Variants in RAPGEF4 observed in about 807,000 individuals in gnomAD.
The protein encoded by RAPGEF4 is Rap guanine nucleotide exchange factor 4, also known as RAP guanine-nucleotide-exchange factor (GEF) 4.
A neutral mutation model predicts 147.9 loss-of-function variants in RAPGEF4; 66 were observed. That is an observed-to-expected ratio of 0.45 (90% CI 0.37 to 0.55). RAPGEF4 has a LOEUF of 0.55. RAPGEF4 is among the 20% of genes least tolerant of loss of function. The pLI, the probability that RAPGEF4 is intolerant of heterozygous loss-of-function variation, is 0.00. For synonymous variants in RAPGEF4, 419 were observed against 442.7 expected (o/e 0.95, Z 0.67); for missense variants, 1,071 against 1,257.3 (o/e 0.85, Z 2.24).
chr2:173,007,778 C>T (rs1019995189), intron 17 of RAPGEF4, among the ~76,000 whole-genome samples: 11 of 152,054 alleles, frequency 7.2e-5, no homozygotes, highest in African/African-American at 2.4e-5. Flanking sequence ...AAGAAATAGA[C>T]GCAGTGGTCA....
At chr2:172,745,110 A>G (rs1333374322) in intron 1 of RAPGEF4, among the ~76,000 whole-genome samples, 1 of 152,154 alleles carries the variant, frequency 6.6e-6, no homozygotes, top group African/African-American at 2.4e-5. Context: ...AATCAAGTGA[A>G]TTAAGAAACA....
intron 5 of RAPGEF4, 58 bp from the exon 6 acceptor site, chr2:172,922,223 A>G (rs1346648910): frequency 1.3e-6 from 2 of 1,546,866 alleles, no homozygotes; most frequent in African/African-American, 2.7e-5. Context: ...TTTCAATTCC[A>G]CTTTACCGGT....
rs546713220 is a variant in RAPGEF4, at chr2:172,855,511, G to A, written c.444+41086G>A. 9.9e-5 allele frequency among the ~76,000 whole-genome samples: 15 copies of A among 152,184 alleles called. No homozygotes were observed. In the East Asian group the frequency reaches 2.9e-3, roughly 29 times the overall value. ...TGTTTTTCATATTTCCCCACATATT[G>A]ACATTTCCAGTGATCTTCTTTCCTT... On this transcript the variant is annotated intron_variant, in intron 4 of 30. Coordinates refer to ENST00000397081, the MANE Select transcript of RAPGEF4 (RefSeq NM_007023.4).
At position 172,887,820 on chromosome 2, in the gene RAPGEF4, C is replaced by T. The variant is rs142202394; in HGVS notation, c.445-29982C>T. Among the ~76,000 whole-genome samples, 1,142 of 152,226 alleles carry T rather than the reference C, an allele frequency of 7.5e-3. 14 individuals are homozygous for T. Among genetic ancestry groups the T allele is most frequent in the African/African-American group, 0.025 (1,048 of 41,528 alleles). On this transcript the variant is annotated intron_variant, in intron 4 of 30. Transcript: ENST00000397081. ...CTAAAAGCCACTCTCCCCTTTCCTA[C>T]TTAGAAACTTCTGCTACAAGCTAGT...
intron 4 of RAPGEF4, among the ~76,000 whole-genome samples, chr2:172,893,499 C>G (rs1413681817): frequency 6.6e-6 from 1 of 152,212 alleles, no homozygotes; most frequent in Non-Finnish European, 1.5e-5. Flanking sequence ...GATGGCTGCC[C>G]CGAATCATGG....
rs150423141 is a variant in RAPGEF4, at chr2:172,986,038, A to T, written c.1150+545A>T. 6.8e-3 allele frequency among the ~76,000 whole-genome samples: 1,033 copies of T among 152,336 alleles called. 9 individuals are homozygous for T. Among genetic ancestry groups the T allele is most frequent in the Non-Finnish European group, 9.3e-3 (630 of 68,032 alleles). On this transcript the variant is annotated intron_variant, in intron 12 of 30. Transcript: ENST00000397081. Reference sequence around the variant, plus strand: ...ATCCAAGTTGCAGTTTAGTTCTGTGATCATATTTGGAAGCAAGAAAAGGAA... The same window carrying T: ...ATCCAAGTTGCAGTTTAGTTCTGTGTTCATATTTGGAAGCAAGAAAAGGAA...
chr2:172,855,596 A>G (rs1207688296), intron 4 of RAPGEF4, among the ~76,000 whole-genome samples: 6 of 152,134 alleles, frequency 3.9e-5, no homozygotes, highest in Non-Finnish European at 7.4e-5. Context: ...GCTTTCTTCA[A>G]TGTTTCAAGT....
chr2:172,736,099 G>C, intron 1 of RAPGEF4, 51 bp downstream of exon 1: 1 of 1,373,168 alleles, frequency 7.3e-7, no homozygotes, highest in South Asian at 1.5e-5. Context: ...GTGCTGCCCG[G>C]GCCCTGAGAC....
At chr2:172,966,141 T>C (rs539198432) in intron 9 of RAPGEF4, among the ~76,000 whole-genome samples, 1 of 152,320 alleles carries the variant, frequency 6.6e-6, no homozygotes, top group East Asian at 1.9e-4. Flanking sequence ...ACCCACAGGA[T>C]GACCATATTT....
intron 4 of RAPGEF4, among the ~76,000 whole-genome samples, chr2:172,891,205 G>A (rs1371169179): frequency 1.3e-5 from 2 of 152,156 alleles, no homozygotes; most frequent in African/African-American, 2.4e-5. Flanking sequence ...CTGAACATGC[G>A]GTTCTGTGTG....
intron 8 of RAPGEF4, among the ~76,000 whole-genome samples, chr2:172,964,888 A>G (rs757646219): frequency 1.1e-4 from 17 of 152,134 alleles, no homozygotes; most frequent in Admixed American, 2.6e-4. Context: ...CCAACTCACC[A>G]CAGAAGGGCA....
chr2:172,915,961 A>G (rs1030394698), intron 4 of RAPGEF4, among the ~76,000 whole-genome samples: 1 of 152,178 alleles, frequency 6.6e-6, no homozygotes, highest in Admixed American at 6.5e-5. Context: ...TCACAAGTGC[A>G]CAGGACCTTG....
intron 4 of RAPGEF4, among the ~76,000 whole-genome samples, chr2:172,853,201 A>G (rs558862688): frequency 4.4e-4 from 67 of 152,130 alleles, no homozygotes; most frequent in Non-Finnish European, 8.1e-4. Context: ...TGAAGAAGTC[A>G]TGTAGGATTG....
intron 1 of RAPGEF4, among the ~76,000 whole-genome samples, chr2:172,780,072 T>C (rs1684538321): frequency 6.6e-6 from 1 of 152,150 alleles, no homozygotes; most frequent in Admixed American, 6.5e-5. Flanking sequence ...AAACCCTGCT[T>C]TTTACTGAAT....
At position 172,784,320 on chromosome 2, in the gene RAPGEF4, C is replaced by A. The variant is rs376745773; in HGVS notation, c.66-10705C>A. ...GATCATGAGGTCTGGAGATCGAGACCATCTTGGCTAACACATTGAAACCCC... is the reference window on the plus strand; with the variant it reads ...GATCATGAGGTCTGGAGATCGAGACAATCTTGGCTAACACATTGAAACCCC... On this transcript the variant is annotated intron_variant, in intron 1 of 30. Transcript: ENST00000397081. Among the ~76,000 whole-genome samples the A allele has an allele frequency of 1.8e-4, 27 of 152,170 alleles. No individual in the cohort carries two copies. In the East Asian group the frequency reaches 5.2e-3, roughly 29 times the overall value.
At chr2:172,940,235 A>G (rs188253087) in intron 6 of RAPGEF4, among the ~76,000 whole-genome samples, 136 of 152,152 alleles carry the variant, frequency 8.9e-4, no homozygotes, top group African/African-American at 3.1e-3. Context: ...ATGAGAATAT[A>G]TATTATTATT....
chr2:172,835,573 T>C (rs548275327), intron 4 of RAPGEF4, among the ~76,000 whole-genome samples: 3 of 152,196 alleles, frequency 2.0e-5, no homozygotes, highest in Non-Finnish European at 4.4e-5. Flanking sequence ...GCTTGTGTGG[T>C]GGTGGCATGC....
At chr2:172,848,784 G>A (rs999374332) in intron 4 of RAPGEF4, among the ~76,000 whole-genome samples, 15 of 152,158 alleles carry the variant, frequency 9.9e-5, no homozygotes, top group African/African-American at 3.6e-4. Flanking sequence ...CTGCCTCTCA[G>A]CACCCACTTC....
intron 6 of RAPGEF4, among the ~76,000 whole-genome samples, chr2:172,945,142 A>G (rs1398196019): frequency 6.6e-6 from 1 of 152,154 alleles, no homozygotes; most frequent in African/African-American, 2.4e-5. Context: ...CATCTGTACT[A>G]GGGCAACTTG....
Sources: gnomAD v4.1 joint callset for allele counts (sites outside exome capture counted in the v4.1 genomes callset) on GRCh38, gnomAD v4.1.1 for gene constraint, MANE v1.5 for transcripts, NCBI Gene and HGNC (gene_info 2026-07-23, HGNC 2026-07-21) for gene names.